Variants in DOP1A observed in about 807,000 individuals in gnomAD.
DOP1A encodes DOP1 leucine zipper like protein A.
In DOP1A, 90 loss-of-function variants were observed where a neutral mutation model predicts 267.6. The ratio of observed to expected loss-of-function variants is 0.34; its 90% CI spans 0.28 to 0.40. The LOEUF (loss-of-function observed/expected upper bound fraction) is 0.40. Ranked by LOEUF, DOP1A falls within the 10% of genes least tolerant of loss-of-function variation. The pLI, the probability that DOP1A is intolerant of heterozygous loss-of-function variation, is 1.00. For missense variants in DOP1A, 2,437 were observed against 2,900.4 expected, an observed-to-expected ratio of 0.84 and a Z score of 3.67; for synonymous variants, 932 against 999.1, an observed-to-expected ratio of 0.93 and a Z score of 1.27.
chr6:83,120,772 A>G lies in DOP1A; in HGVS notation c.1080A>G (p.Leu360=), dbSNP rs1214171388. Residue 360 remains leucine (L), a synonymous_variant, in exon 10 of 39, where the codon TTA becomes TTG. Coordinates refer to ENST00000349129, the MANE Select transcript of DOP1A (RefSeq NM_015018.4). ...DLKPFRILIS[L]LDKPELGPVI... Reference sequence around the variant, plus strand: ...AGCCTTTTCGCATTTTAATCAGTTTACTGGACAAACCTGAGCTAGGTAATG... The same window carrying G: ...AGCCTTTTCGCATTTTAATCAGTTTGCTGGACAAACCTGAGCTAGGTAATG... The G allele has an allele frequency of 6.4e-7, 1 of 1,574,194 alleles. No homozygotes were observed. The highest frequency in any genetic ancestry group is 2.2e-5 in the East Asian group (1 of 44,592).
downstream of DOP1A, chr6:83,169,441 T>A: frequency 8.5e-7 from 1 of 1,177,450 alleles, no homozygotes; most frequent in Non-Finnish European, 1.2e-6. Context: ...TTTGTTTCAC[T>A]AACAAATTCT....
At chr6:83,166,872 CAG>C (rs1054487973) in intron 38 of DOP1A, 17 of 993,656 alleles carry the variant, frequency 1.7e-5, no homozygotes, top group Non-Finnish European at 2.0e-5. Flanking sequence ...GTTAATATGA[CAG>C]ATTGTAATTC....
At position 83,157,115 on chromosome 6, in the gene DOP1A, G is replaced by A. The variant is rs186583773; in HGVS notation, c.6605-67G>A. ...ACAGATAGTTTGAGAGTACTGGACC[G>A]ACAATATAGAAAGTTTTATGTGATA... On this transcript the variant is annotated intron_variant, in intron 34 of 38. Transcript: ENST00000349129. 49 of 1,519,336 alleles carry A rather than the reference G, an allele frequency of 3.2e-5. No homozygotes were observed. In the East Asian group the frequency reaches 3.8e-4, roughly 12 times the overall value. 94.1% of individuals were successfully genotyped at this position (1,519,336 alleles called of 1,614,324 possible).
chr6:83,154,400 A>T, intron 33 of DOP1A, 159 bp downstream of exon 33: 1 of 626,452 alleles, frequency 1.6e-6, no homozygotes, highest in Admixed American at 3.1e-5. Context: ...TACTTTCTGT[A>T]CGCTATGGGA....
chr6:83,113,298 G>T, intron 6 of DOP1A, 25 bp from the exon 7 acceptor site: 1 of 1,579,936 alleles, frequency 6.3e-7, no homozygotes, highest in South Asian at 1.1e-5. Flanking sequence ...ATAGACAATA[G>T]ATGTTAAAGA....
chr6:83,071,578 G>T (rs1231242975), intron 1 of DOP1A, among the ~76,000 whole-genome samples: 1 of 151,944 alleles, frequency 6.6e-6, no homozygotes, highest in African/African-American at 2.4e-5. Context: ...GTCTCCATTT[G>T]GTGGCCCAAA....
At chr6:83,166,611 T>C in intron 38 of DOP1A, 1 of 743,908 alleles carries the variant, frequency 1.3e-6, no homozygotes, top group Non-Finnish European at 2.0e-6. Context: ...ACCACATTTA[T>C]TTAAGAATGT....
At chr6:83,125,814 C>A in intron 15 of DOP1A, 81 bp downstream of exon 15, 1 of 1,197,212 alleles carries the variant, frequency 8.4e-7, no homozygotes, top group Non-Finnish European at 1.2e-6. Context: ...ATCACTTATA[C>A]ATAAGCATTT....
In DOP1A at chr6:83,162,961, A is replaced by T. The variant is rs1262744194; in HGVS notation, c.7092+42A>T. 1.9e-6 allele frequency: 3 copies of T among 1,576,836 alleles called. No individual in the cohort carries two copies. In the South Asian group the frequency reaches 3.5e-5, roughly 18 times the overall value. ...TGATTGTTTTGTTTTACATCACTAC[A>T]TGTTGCATTAGTGAGGTATTTATTA... On this transcript the variant is annotated intron_variant, in intron 38 of 38. Coordinates refer to ENST00000349129, the MANE Select transcript of DOP1A (RefSeq NM_015018.4).
intron 16 of DOP1A, among the ~76,000 whole-genome samples, 153 bp from the exon 17 acceptor site, chr6:83,129,970 T>C (rs1777771624): frequency 6.6e-6 from 1 of 152,206 alleles, no homozygotes; most frequent in African/African-American, 2.4e-5. Context: ...TGTTGCTACT[T>C]TATTAAAGCT....
At chr6:83,084,984 T>G (rs1293941365) in intron 1 of DOP1A, among the ~76,000 whole-genome samples, 2 of 152,204 alleles carry the variant, frequency 1.3e-5, no homozygotes, top group African/African-American at 4.8e-5. Flanking sequence ...CTGAGCCAGT[T>G]TTTTAAAAGT....
chr6:83,138,919 T>G lies in DOP1A; in HGVS notation c.4877T>G (p.Leu1626Arg). Residue 1626 changes from leucine to arginine, a missense_variant, in exon 21 of 39, where the codon CTT becomes CGT. Transcript: ENST00000349129. ...HISPHQPMTS[L>R]QYLHAQPITC... ...AGTCCCCATCAACCCATGACTTCTC[T>G]TCAGTATTTGCATGCTCAGCCAATC... 1 of 1,614,114 alleles carries G rather than the reference T, an allele frequency of 6.2e-7. No individual in the cohort carries two copies. Among genetic ancestry groups the G allele is most frequent in the East Asian group, 2.2e-5 (1 of 44,880 alleles).
At chr6:83,141,425 T>A (rs1472206679) in intron 23 of DOP1A, among the ~76,000 whole-genome samples, 2 of 152,234 alleles carry the variant, frequency 1.3e-5, no homozygotes, top group African/African-American at 4.8e-5. Context: ...AACCTAATTT[T>A]GCTCCTAGAC....
intron 8 of DOP1A, among the ~76,000 whole-genome samples, 198 bp downstream of exon 8, chr6:83,119,185 T>C (rs780128569): frequency 1.2e-4 from 19 of 152,166 alleles, no homozygotes; most frequent in Non-Finnish European, 2.1e-4. Context: ...AAGAGTCTAT[T>C]TGAATTCATA....
chr6:83,095,583 A>G (rs73752519), intron 1 of DOP1A, among the ~76,000 whole-genome samples: 3,069 of 152,258 alleles, frequency 0.02, 115 homozygotes, highest in African/African-American at 0.07. Context: ...GGGGAGCCAC[A>G]TTGGTTTTTA....
intron 9 of DOP1A, 152 bp downstream of exon 9, chr6:83,120,009 T>G (rs1776107641): frequency 1.8e-6 from 1 of 566,292 alleles, no homozygotes; most frequent in African/African-American, 1.9e-5. Flanking sequence ...ACAAGAAAAT[T>G]CCTGTAAAAT....
At chr6:83,169,227 A>G (rs555840246), downstream of DOP1A, 10 of 1,613,876 alleles carry the variant, frequency 6.2e-6, no homozygotes, top group Non-Finnish European at 8.5e-6. Context: ...GAATATGAAA[A>G]TTATCTTCAG....
chr6:83,165,243 TAAGAAAGA>T (rs529455985), intron 38 of DOP1A: 3 of 152,514 alleles, frequency 2.0e-5, no homozygotes, highest in African/African-American at 4.8e-5. Flanking sequence ...GTGTCATAGT[TAAGAAAGA>T]AAGAAAGAAA....
chr6:83,071,343 A>T (rs142571459), intron 1 of DOP1A, among the ~76,000 whole-genome samples: 6 of 152,132 alleles, frequency 3.9e-5, no homozygotes, highest in African/African-American at 1.4e-4. Context: ...ATTAGCTGGT[A>T]TTACAGGCAC....
Sources: allele counts gnomAD v4.1 joint callset (sites outside exome capture counted in the v4.1 genomes callset), GRCh38; gene constraint gnomAD v4.1.1; transcripts MANE v1.5; gene names NCBI Gene and HGNC (gene_info 2026-07-23, HGNC 2026-07-21).